PDZD2: variants seen among roughly 807,000 people sequenced by gnomAD.
The protein encoded by PDZD2 is PDZ domain containing 2.
Under a neutral mutation model 220.7 loss-of-function variants are expected in PDZD2, and 90 were observed. That is an observed-to-expected ratio of 0.41 (90% confidence interval 0.34 to 0.49). PDZD2 has a LOEUF of 0.49. Among genes scored for constraint, PDZD2 ranks in the 20% least tolerant of loss-of-function variants. The probability of loss-of-function intolerance (pLI) is 0.28; values close to 1 mark genes in which losing one functional copy is unlikely to be tolerated. For missense variants in PDZD2, 3,174 were observed against 3,608.5 expected (o/e 0.88, Z 3.08); for synonymous variants, 1,375 against 1,450.5 (o/e 0.95, Z 1.18).
At chr5:31,868,616 G>A (rs1178496089) in intron 2 of PDZD2, among the ~76,000 whole-genome samples, 5 of 152,110 alleles carry the variant, frequency 3.3e-5, no homozygotes, top group African/African-American at 9.7e-5. Context: ...TTACTATGCC[G>A]ACCGTGGATG....
intron 1 of PDZD2, among the ~76,000 whole-genome samples, chr5:31,780,761 T>C (rs1424852628): frequency 2.0e-5 from 3 of 152,138 alleles, no homozygotes; most frequent in Non-Finnish European, 4.4e-5. Context: ...GGTTCCGCGG[T>C]GTCCTCAGGG....
At chr5:31,688,968 A>G (rs1746982555) in intron 1 of PDZD2, among the ~76,000 whole-genome samples, 1 of 152,146 alleles carries the variant, frequency 6.6e-6, no homozygotes, top group African/African-American at 2.4e-5. Context: ...AAGAGCTGGG[A>G]GCTCAATGGC....
chr5:32,057,836 A>G (rs749335272), intron 11 of PDZD2, 42 bp from the exon 12 acceptor site: 8 of 1,481,694 alleles, frequency 5.4e-6, no homozygotes, highest in Non-Finnish European at 6.6e-6. Flanking sequence ...ATATAAGGAC[A>G]TTCCAAATGT....
chr5:31,679,065 G>A (rs948965566), intron 1 of PDZD2, among the ~76,000 whole-genome samples: 4 of 152,162 alleles, frequency 2.6e-5, no homozygotes, highest in Admixed American at 6.5e-5. Context: ...GGGGAAGGGC[G>A]GTATGGGCAG....
chr5:31,739,220 C>G (rs1191712440), intron 1 of PDZD2, among the ~76,000 whole-genome samples: 1 of 152,086 alleles, frequency 6.6e-6, no homozygotes, highest in African/African-American at 2.4e-5. Context: ...TGGCTACTGC[C>G]TTTTTTGGAA....
intron 2 of PDZD2, among the ~76,000 whole-genome samples, chr5:31,958,519 T>A (rs1736546829): frequency 6.6e-6 from 1 of 152,082 alleles, no homozygotes; most frequent in Non-Finnish European, 1.5e-5. Flanking sequence ...CTCCCCAAAG[T>A]GCCGGGATTA....
intron 1 of PDZD2, among the ~76,000 whole-genome samples, chr5:31,752,410 G>A (rs932449349): frequency 4.6e-5 from 7 of 152,018 alleles, no homozygotes; most frequent in African/African-American, 1.4e-4. Flanking sequence ...TTAGCCAGAC[G>A]TGGTGGTGGA....
chr5:32,020,392 T>C (rs77660274), intron 6 of PDZD2, among the ~76,000 whole-genome samples: 3,409 of 152,304 alleles, frequency 0.022, 125 homozygotes, highest in African/African-American at 0.078. Context: ...GACAAAATTA[T>C]GGCAATAACC....
intron 2 of PDZD2, among the ~76,000 whole-genome samples, chr5:31,944,761 C>G (rs993885765): frequency 6.6e-6 from 1 of 152,180 alleles, no homozygotes; most frequent in Non-Finnish European, 1.5e-5. Flanking sequence ...CCAGGTGACT[C>G]TCTCATGGTG....
intron 1 of PDZD2, among the ~76,000 whole-genome samples, chr5:31,641,135 G>A (rs960533357): frequency 2.0e-5 from 3 of 152,242 alleles, no homozygotes; most frequent in Admixed American, 1.3e-4. Flanking sequence ...AGGAGGCTTC[G>A]AGGTTCCAGG....
chr5:31,859,512 C>A (rs1424970515), intron 2 of PDZD2, among the ~76,000 whole-genome samples: 10 of 152,122 alleles, frequency 6.6e-5, no homozygotes, highest in Non-Finnish European at 1.2e-4. Flanking sequence ...CTGAAATTTT[C>A]TTTTTATAAC....
In PDZD2 at chr5:32,024,690, A is replaced by G. The variant is rs963672743; in HGVS notation, c.1408-12541A>G. Among the ~76,000 whole-genome samples, 3 of 105,086 alleles carry G rather than the reference A, an allele frequency of 2.9e-5. 1 individual carries two copies. The Admixed American group carries it at 2.9e-4, about 10-fold the overall frequency. 68.9% of individuals were successfully genotyped at this position (105,086 alleles called of 152,430 possible). On this transcript the variant is annotated intron_variant, in intron 6 of 24. Transcript: ENST00000438447. ...AGGGCAAGACTTCATCTCAAAAAAA[A>G]AAAGAAAGAAAAAAAAGAAAAGGAA...
chr5:31,783,084 G>GAAGTTGGTTTAAACTTTATTTTAGATA (rs1753150116), intron 1 of PDZD2, among the ~76,000 whole-genome samples: 2 of 152,112 alleles, frequency 1.3e-5, no homozygotes, highest in Non-Finnish European at 2.9e-5. Flanking sequence ...TATTTTAGAT[G>GAAGTTGGTTTAAACTTTATTTTAGATA]AAGTTGGTTT....
chr5:31,738,657 C>T (rs1280910867), intron 1 of PDZD2: 1 of 152,120 alleles, frequency 6.6e-6, no homozygotes, highest in East Asian at 1.9e-4. Context: ...TGAAAACAAT[C>T]AAGTGCATTT....
At chr5:31,765,654 C>T (rs182445928) in intron 1 of PDZD2, among the ~76,000 whole-genome samples, 71 of 152,262 alleles carry the variant, frequency 4.7e-4, no homozygotes, top group Middle Eastern at 3.4e-3. Flanking sequence ...AGAGGCGCAT[C>T]CCTGAGGCCG....
At position 32,089,793 on chromosome 5, in the gene PDZD2, G is replaced by T. The variant is rs1398844374; in HGVS notation, c.6345G>T (p.Arg2115=). 3.1e-6 allele frequency: 5 copies of T among 1,614,216 alleles called. No homozygotes were observed. Among genetic ancestry groups the T allele is most frequent in the Non-Finnish European group, 4.2e-6 (5 of 1,180,036 alleles). Residue 2115 remains arginine, a synonymous_variant, in exon 20 of 25, where the codon CGG becomes CGT. Transcript: ENST00000438447. ...CGNKPAESDR[R]GGCLAQGNCQ... ...ACAAGCCAGCTGAAAGCGACAGACG[G>T]GGAGGGTGCTTGGCCCAGGGCAACT...
At position 32,093,865 on chromosome 5, in the gene PDZD2, C is replaced by T. The variant is rs565001316; in HGVS notation, c.7845+841C>T. Among the ~76,000 whole-genome samples, 13 of 152,032 alleles carry T rather than the reference C, an allele frequency of 8.6e-5. No homozygotes were observed. In the South Asian group the frequency reaches 1.9e-3, roughly 22 times the overall value. ...TGGTGGTGGGTGCCTGTAGTCTCAG[C>T]GACTCAGGAGGCTAAGGCGAGAGGA... On this transcript the variant is annotated intron_variant, in intron 21 of 24. Transcript: ENST00000438447.
chr5:31,640,389 T>TG (rs779279996), intron 1 of PDZD2, among the ~76,000 whole-genome samples: 21 of 152,180 alleles, frequency 1.4e-4, no homozygotes, highest in Non-Finnish European at 2.4e-4. Context: ...TGGGCAGTGT[T>TG]GGGGGATGGA....
At chr5:31,647,950 T>C (rs576555952) in intron 1 of PDZD2, among the ~76,000 whole-genome samples, 1 of 152,302 alleles carries the variant, frequency 6.6e-6, no homozygotes, top group Non-Finnish European at 1.5e-5. Flanking sequence ...CTACTCTCTT[T>C]TGCCTTTTAG....
Sources: gnomAD v4.1 joint callset for allele counts (sites outside exome capture counted in the v4.1 genomes callset) on GRCh38, gnomAD v4.1.1 for gene constraint, MANE v1.5 for transcripts, NCBI Gene and HGNC (gene_info 2026-07-23, HGNC 2026-07-21) for gene names.